The following PATJ variants were observed in gnomAD, a reference collection of about 807,000 sequenced individuals.
PATJ encodes inaD-like protein.
A neutral mutation model predicts 224.9 loss-of-function variants in PATJ; 190 were observed. The observed-to-expected ratio is 0.84, with a 90% CI of 0.75 to 0.95. The LOEUF (loss-of-function observed/expected upper bound fraction) is 0.95. PATJ is among the 40% of genes least tolerant of loss of function. The pLI is 0.00. For synonymous variants in PATJ, 769 were observed against 820.3 expected (o/e 0.94, Z 1.07); for missense variants, 2,121 against 2,270.3 (o/e 0.93, Z 1.34).
At chr1:62,155,930 C>T (rs777447659) in intron 43 of PATJ, among the ~76,000 whole-genome samples, 2 of 151,342 alleles carry the variant, frequency 1.3e-5, no homozygotes, top group African/African-American at 2.4e-5. Flanking sequence ...TGGTGGTAGG[C>T]GCCTGTAGTC....
intron 22 of PATJ, among the ~76,000 whole-genome samples, chr1:61,892,342 T>C (rs989437793): frequency 6.6e-6 from 1 of 152,160 alleles, no homozygotes; most frequent in Non-Finnish European, 1.5e-5. Flanking sequence ...ATGTAGAAAT[T>C]TTATGTGAAA....
In PATJ at chr1:62,010,331, A is replaced by AT. The variant is rs34046309; in HGVS notation, c.3868-7514dup. On this transcript the variant is annotated intron_variant, in intron 28 of 43. Transcript: ENST00000642238. ...TTCTCCAAAATTCCTGTTAATGTTGATTTTTTTTTTTGTAGCCACATTTAT... is the reference window on the plus strand; with the variant it reads ...TTCTCCAAAATTCCTGTTAATGTTGATTTTTTTTTTTTGTAGCCACATTTAT... Among the ~76,000 whole-genome samples, 57 of 149,536 alleles carry AT rather than the reference A, an allele frequency of 3.8e-4. 1 individual carries two copies. The highest frequency in any genetic ancestry group is 1.3e-3 in the Admixed American group (19 of 14,990).
chr1:61,853,221 CT>C (rs1663116655), intron 17 of PATJ, among the ~76,000 whole-genome samples: 1 of 152,116 alleles, frequency 6.6e-6, no homozygotes, highest in African/African-American at 2.4e-5. Context: ...ATATATTCAC[CT>C]TTCAAGGGTA....
Position 62,162,187 on chromosome 1 carries a change from G to C in PATJ, c.*1133G>C, listed in dbSNP as rs1428420545. ...CATTCAAGTCCAGGAAGATCACCTG[G>C]AATTAATGGCATTTCAGTTGGCAGG... On this transcript the variant is annotated 3_prime_UTR_variant, in exon 44 of 44. Coordinates refer to ENST00000642238, the MANE Select transcript of PATJ (RefSeq NM_001350145.3). 1 of 152,164 alleles carries C rather than the reference G, an allele frequency of 6.6e-6. No homozygotes were observed. Among genetic ancestry groups the C allele is most frequent in the Non-Finnish European group, 1.5e-5 (1 of 68,052 alleles). The allele number at this position is 152,164 out of a possible 1,614,324, so 9.4% of individuals were successfully genotyped here. A position where few individuals can be genotyped will look rare whatever the true frequency, so the allele number is the denominator to read the frequency against.
intron 31 of PATJ, chr1:62,073,237 A>G: frequency 2.0e-6 from 2 of 985,352 alleles, no homozygotes; most frequent in Non-Finnish European, 2.4e-6. Flanking sequence ...GCAACCTGAA[A>G]TCAAGCCACA....
At chr1:62,107,509 G>C (rs1022959454) in intron 33 of PATJ, among the ~76,000 whole-genome samples, 2 of 152,000 alleles carry the variant, frequency 1.3e-5, no homozygotes, top group African/African-American at 2.4e-5. Flanking sequence ...GATGAGGGTG[G>C]GCAAGCTCAA....
intron 27 of PATJ, among the ~76,000 whole-genome samples, chr1:61,972,548 A>C (rs867441503): frequency 6.6e-6 from 1 of 152,000 alleles, no homozygotes; most frequent in South Asian, 2.1e-4. Context: ...TCATTTGTAA[A>C]AGAAATGACA....
At chr1:61,814,503 T>C (rs958637771) in intron 14 of PATJ, among the ~76,000 whole-genome samples, 5 of 148,408 alleles carry the variant, frequency 3.4e-5, no homozygotes, top group African/African-American at 1.3e-4. Flanking sequence ...CAGTCAGTAT[T>C]ACCTGCCTTT....
chr1:61,776,081 A>G (rs58403901), intron 7 of PATJ, among the ~76,000 whole-genome samples: 3,004 of 152,330 alleles, frequency 0.02, 70 homozygotes, highest in African/African-American at 0.05. Context: ...TGAACTTGCC[A>G]TGCAAATGCA....
At chr1:61,880,799 G>A (rs1364694983) in intron 21 of PATJ, among the ~76,000 whole-genome samples, 1 of 152,186 alleles carries the variant, frequency 6.6e-6, no homozygotes, top group Non-Finnish European at 1.5e-5. Flanking sequence ...ATACATTGCA[G>A]GAAAAACTGT....
At chr1:61,774,622 A>G (rs1646815146) in intron 6 of PATJ, among the ~76,000 whole-genome samples, 1 of 151,994 alleles carries the variant, frequency 6.6e-6, no homozygotes, top group Non-Finnish European at 1.5e-5. Context: ...AACTATTTCC[A>G]CTTGATTACC....
intron 10 of PATJ, among the ~76,000 whole-genome samples, chr1:61,795,851 C>A (rs1650981468): frequency 6.6e-6 from 1 of 152,074 alleles, no homozygotes; most frequent in Admixed American, 6.6e-5. Context: ...CCTGCGAGGA[C>A]CACACTGTGT....
chr1:61,969,455 T>G lies in PATJ; in HGVS notation c.3671-20713T>G, dbSNP rs531063011. Among the ~76,000 whole-genome samples, 8 of 152,270 alleles carry G rather than the reference T, an allele frequency of 5.3e-5. No individual in the cohort carries two copies. In the East Asian group the frequency reaches 1.2e-3, roughly 22 times the overall value. On this transcript the variant is annotated intron_variant, in intron 27 of 43. Transcript: ENST00000642238. ...AGGTGATACCTCATTGTGATTTTGA[T>G]TTGCATTTTTCTCGTTGATGAAGCT...
chr1:61,973,513 T>A (rs1683250626), intron 27 of PATJ, among the ~76,000 whole-genome samples: 1 of 152,012 alleles, frequency 6.6e-6, no homozygotes, highest in Non-Finnish European at 1.5e-5. Context: ...TACTGAAAAC[T>A]ACCATTATTT....
In PATJ at chr1:62,083,341, C is replaced by T. The variant is rs980935885; in HGVS notation, c.4244-1174C>T. Among the ~76,000 whole-genome samples, 25 of 152,148 alleles carry T rather than the reference C, an allele frequency of 1.6e-4. 1 individual carries two copies. The highest frequency in any genetic ancestry group is 3.4e-4 in the Non-Finnish European group (23 of 68,024). Reference sequence around the variant, plus strand: ...TTCACTATGTTGACCAGGCTGGTCTCGAACTCCTGACCTCAGGTGATCCTC... The same window carrying T: ...TTCACTATGTTGACCAGGCTGGTCTTGAACTCCTGACCTCAGGTGATCCTC... On this transcript the variant is annotated intron_variant, in intron 32 of 43. Transcript: ENST00000642238.
At chr1:61,911,026 C>T (rs963790832) in intron 25 of PATJ, among the ~76,000 whole-genome samples, 1 of 152,078 alleles carries the variant, frequency 6.6e-6, no homozygotes, top group Non-Finnish European at 1.5e-5. Flanking sequence ...TTGAACTTTC[C>T]TTAAAACCCC....
chr1:62,145,674 A>G (rs905308249), intron 41 of PATJ, among the ~76,000 whole-genome samples: 2 of 151,254 alleles, frequency 1.3e-5, no homozygotes, highest in Admixed American at 6.6e-5. Context: ...AATAAAGAAA[A>G]GGCCAGGTGC....
At chr1:61,925,566 A>G (rs1675068107) in intron 26 of PATJ, among the ~76,000 whole-genome samples, 1 of 152,212 alleles carries the variant, frequency 6.6e-6, no homozygotes, top group African/African-American at 2.4e-5. Context: ...GTGGGTGCCA[A>G]AAAATCATGT....
chr1:62,132,128 A>G (rs533604654), intron 41 of PATJ, among the ~76,000 whole-genome samples: 3 of 152,320 alleles, frequency 2.0e-5, no homozygotes, highest in Admixed American at 6.5e-5. Context: ...GAGTACAGGC[A>G]TGAGCCACCA....
Sources: gnomAD v4.1 joint callset for allele counts (sites outside exome capture counted in the v4.1 genomes callset) on GRCh38, gnomAD v4.1.1 for gene constraint, MANE v1.5 for transcripts, NCBI Gene and HGNC (gene_info 2026-07-23, HGNC 2026-07-21) for gene names.